EPG5: variants seen among roughly 807,000 people sequenced by gnomAD.
EPG5 encodes the protein ectopic P-granules 5 autophagy tethering factor.
In EPG5, 159 loss-of-function variants were observed where a neutral mutation model predicts 302.7. The observed-to-expected ratio is 0.53, with a 90% CI of 0.46 to 0.60. The LOEUF (loss-of-function observed/expected upper bound fraction) is 0.60, where lower values mean the gene tolerates loss of function less well. Ranked by LOEUF, EPG5 falls within the 20% of genes least tolerant of loss-of-function variation. The probability of loss-of-function intolerance (pLI) is 0.00; values close to 1 mark genes in which losing one functional copy is unlikely to be tolerated. For synonymous variants in EPG5, 1,158 were observed against 1,136.8 expected (o/e 1.02, Z -0.37); for missense variants, 2,896 against 3,092.4 (o/e 0.94, Z 1.51).
chr18:45,910,760 C>A lies in EPG5; in HGVS notation c.3984-18G>T. 1 of 1,595,324 alleles carries A rather than the reference C, an allele frequency of 6.3e-7. No individual in the cohort carries two copies. Among genetic ancestry groups the A allele is most frequent in the Non-Finnish European group, 8.6e-7 (1 of 1,164,024 alleles). ...TGGGTAACCTTAAAAAACACAAGCA[C>A]AGATCTATAACCTTTCAACACAAGA... On this transcript the variant is annotated intron_variant, in intron 22 of 43. Coordinates refer to ENST00000282041, the MANE Select transcript of EPG5 (RefSeq NM_020964.3).
Position 45,925,837 on chromosome 18 carries a change from C to A in EPG5, c.2619G>T (p.Ala873=). The A allele has an allele frequency of 6.3e-7, 1 of 1,581,162 alleles. No individual in the cohort carries two copies. ...AATTCAATAACCAATCCCGAATCAC[C>A]GCTATCTCAGATGCAGAAGGTTGCC... ...YLWQPSASEI[A]VIRDWLLNYN... is the part of the protein sequence containing the mutation. The change falls in exon 14 of 44, where the codon GCG becomes GCT. Residue 873 remains alanine, a synonymous_variant. Transcript: ENST00000282041.
In EPG5 at chr18:45,908,061, AAT is replaced by A; in HGVS notation, c.4224_4225del (p.Leu1409MetfsTer5). 6.5e-7 allele frequency: 1 copy of A among 1,544,176 alleles called. No individual in the cohort carries two copies. The highest frequency in any genetic ancestry group is 8.8e-7 in the Non-Finnish European group (1 of 1,131,048). The stretch of plus-strand genomic sequence containing the variant: ...TTGAAAATTCTCATCTTCTAGCCAT[AAT>A]ATATATACATTGAAGAGCCTAAAAG... On this transcript the variant is annotated frameshift_variant, in exon 24 of 44. Coordinates refer to ENST00000282041, the MANE Select transcript of EPG5 (RefSeq NM_020964.3). LOFTEE classifies it high-confidence loss of function.
chr18:45,895,126 T>C (rs1402068496), intron 27 of EPG5, among the ~76,000 whole-genome samples: 1 of 152,188 alleles, frequency 6.6e-6, no homozygotes, highest in African/African-American at 2.4e-5. Context: ...GAAGCAACTT[T>C]GGAAAATACA....
chr18:45,937,320 T>TTA (rs61109408), intron 10 of EPG5, among the ~76,000 whole-genome samples: 2,729 of 140,306 alleles, frequency 0.019, 105 homozygotes, highest in African/African-American at 0.069. Flanking sequence ...ATATAGGTAT[T>TTA]TATATATATA....
chr18:45,882,126 T>C, intron 31 of EPG5, 148 bp downstream of exon 31: 1 of 724,804 alleles, frequency 1.4e-6, no homozygotes, highest in Non-Finnish European at 2.2e-6. Context: ...TGGGCCTTGT[T>C]CATCAAGCCC....
At chr18:45,839,211 A>G in the EPG5 span, 12 of 1,287,432 alleles carry the variant, frequency 9.3e-6, no homozygotes, top group East Asian at 2.9e-4. Flanking sequence ...TTTTTGCCCT[A>G]TGCATCGTGG....
chr18:45,917,640 G>A, intron 17 of EPG5, 39 bp downstream of exon 17: 1 of 1,609,876 alleles, frequency 6.2e-7, no homozygotes, highest in Non-Finnish European at 8.5e-7. Flanking sequence ...TTGCTGGACT[G>A]TTTAAGAGTG....
In EPG5 at chr18:45,847,925, TAA is replaced by T. The variant is rs1289930450; in HGVS notation, c.*4540_*4541del. The T allele has an allele frequency of 6.6e-6, 1 of 152,664 alleles. No individual in the cohort carries two copies. Among genetic ancestry groups the T allele is most frequent in the African/African-American group, 2.4e-5 (1 of 41,528 alleles). 9.5% of individuals were successfully genotyped at this position (152,664 alleles called of 1,614,324 possible). ...GACAGTACATCTGTACATTAAAAAA[TAA>T]AAGTTATAATCAACAACATTCCTTC... is the stretch of plus-strand genomic sequence containing the variant. On this transcript the variant is annotated 3_prime_UTR_variant, in exon 44 of 44. Transcript: ENST00000282041.
chr18:45,928,784 A>G (rs1325802572), intron 13 of EPG5, 85 bp downstream of exon 13: 1 of 1,337,952 alleles, frequency 7.5e-7, no homozygotes, highest in African/African-American at 1.5e-5. Flanking sequence ...TGACAAGATC[A>G]TTCCCAAGAA....
intron 1 of EPG5, among the ~76,000 whole-genome samples, chr18:45,958,780 C>T (rs2051085605): frequency 6.6e-6 from 1 of 152,146 alleles, no homozygotes. Context: ...AAAGCACAAG[C>T]AACAAAATAA....
chr18:45,817,993 T>G, the EPG5 span, among the ~76,000 whole-genome samples: 1 of 152,336 alleles, frequency 6.6e-6, no homozygotes. Flanking sequence ...AAAGTATGTA[T>G]GCATACACAA....
chr18:45,896,705 C>T (rs547565276), intron 27 of EPG5, among the ~76,000 whole-genome samples: 260 of 152,162 alleles, frequency 1.7e-3, no homozygotes, highest in African/African-American at 5.7e-3. Flanking sequence ...CCACCATGCC[C>T]GGCTTATTTT....
chr18:45,949,407 T>C (rs1008311538), intron 5 of EPG5, 77 bp downstream of exon 5: 5 of 779,870 alleles, frequency 6.4e-6, no homozygotes, highest in East Asian at 5.2e-5. Context: ...CCTTTTTTTT[T>C]CAGCAATTTC....
At position 45,876,786 on chromosome 18, in the gene EPG5, A is replaced by AC. The variant is rs1361092577; in HGVS notation, c.5943-445_5943-444insG. On this transcript the variant is annotated intron_variant, in intron 34 of 43. Coordinates refer to ENST00000282041, the MANE Select transcript of EPG5 (RefSeq NM_020964.3). Reference sequence around the variant, plus strand: ...AACAAATAGAAAATGAGCAAATAAAATTTTTTTTTTTTTGAGAGAGAGAGT... The same window carrying AC: ...AACAAATAGAAAATGAGCAAATAAAACTTTTTTTTTTTTTGAGAGAGAGAGT... 1.9e-3 allele frequency among the ~76,000 whole-genome samples: 273 copies of AC among 146,632 alleles called. 1 individual carries two copies. The highest frequency in any genetic ancestry group is 4.8e-3 in the African/African-American group (194 of 40,280).
At position 45,856,855 on chromosome 18, in the gene EPG5, T is replaced by C. The variant is rs2048525412; in HGVS notation, c.7442+998A>G. 2.0e-5 allele frequency among the ~76,000 whole-genome samples: 3 copies of C among 152,326 alleles called. No individual in the cohort carries two copies. In the South Asian group the frequency reaches 6.2e-4, roughly 32 times the overall value. ...GCAAATTCTTCCATGCCTTGGGATT[T>C]TTTGCAACAAAAATCCAGACTTGCT... is the stretch of plus-strand genomic sequence containing the variant. On this transcript the variant is annotated intron_variant, in intron 42 of 43. Transcript: ENST00000282041.
chr18:45,916,167 G>A lies in EPG5; in HGVS notation c.3424C>T (p.Pro1142Ser). ...ACCCAGAACTCCAACACAGCAACGG[G>A]GCCCACTTCATTGGGCTGAGTGCTT... ...SVSTQPNEVG[P>S]VAVLEFWVQA... Residue 1142 changes from proline to serine, a missense_variant, in exon 19 of 44, where the codon CCC becomes TCC. This residue lies in a region of EPG5 where 1,390 missense variants were observed against 1,430.0 expected (regional missense o/e 0.97). Coordinates refer to ENST00000282041, the MANE Select transcript of EPG5 (RefSeq NM_020964.3). 6.2e-7 allele frequency: 1 copy of A among 1,613,966 alleles called. No individual in the cohort carries two copies. The highest frequency in any genetic ancestry group is 8.5e-7 in the Non-Finnish European group (1 of 1,179,936).
In EPG5 at chr18:45,879,074, T is replaced by C; in HGVS notation, c.5808A>G (p.Lys1936=). The change falls in exon 33 of 44, where the codon AAA becomes AAG. Residue 1936 remains lysine, a synonymous_variant. Transcript: ENST00000282041. Reference sequence around the variant, plus strand: ...AGGTCATTTCTAAGTCAATCAGCCTTTTCACAAGGTAGCCCAAGAATGTCT... The same window carrying C: ...AGGTCATTTCTAAGTCAATCAGCCTCTTCACAAGGTAGCCCAAGAATGTCT... ...DVKTFLGYLV[K]RLIDLEMTCL... is the part of the protein sequence containing the mutation. The C allele has an allele frequency of 1.9e-6, 3 of 1,614,130 alleles. No homozygotes were observed. The highest frequency in any genetic ancestry group is 2.5e-6 in the Non-Finnish European group (3 of 1,180,022).
intron 35 of EPG5, among the ~76,000 whole-genome samples, chr18:45,871,231 A>G (rs1418273614): frequency 6.6e-6 from 1 of 152,248 alleles, no homozygotes; most frequent in Non-Finnish European, 1.5e-5. Context: ...ACAACAATGT[A>G]TCAGTGCACA....
At chr18:45,853,232 A>T (rs1599413754) in intron 43 of EPG5, among the ~76,000 whole-genome samples, 1 of 152,238 alleles carries the variant, frequency 6.6e-6, no homozygotes, top group South Asian at 2.1e-4. Context: ...GTAAGTGAGA[A>T]GGTTGTTAAA....
Sources: gnomAD v4.1 joint callset for allele counts (sites outside exome capture counted in the v4.1 genomes callset) on GRCh38, gnomAD v4.1.1 for gene constraint, gnomAD v4.1.1 regional missense constraint, MANE v1.5 for transcripts, NCBI Gene and HGNC (gene_info 2026-07-23, HGNC 2026-07-21) for gene names.